Variants in PPM1L observed in about 807,000 individuals in gnomAD.
The protein encoded by PPM1L is protein phosphatase 1L.
A neutral mutation model predicts 31.4 loss-of-function variants in PPM1L; 13 were observed. The observed-to-expected ratio is 0.41, with a 90% CI of 0.27 to 0.66. The LOEUF (loss-of-function observed/expected upper bound fraction) is 0.66. Ranked by LOEUF, PPM1L falls within the 30% of genes least tolerant of loss-of-function variation. The pLI is 0.29. For missense variants in PPM1L, 326 were observed against 453.7 expected, an observed-to-expected ratio of 0.72 and a Z score of 2.56; for synonymous variants, 184 against 175.4, an observed-to-expected ratio of 1.05 and a Z score of -0.39.
chr3:160,951,276 T>C (rs144314846), intron 1 of PPM1L, among the ~76,000 whole-genome samples: 4 of 152,332 alleles, frequency 2.6e-5, no homozygotes, highest in African/African-American at 9.6e-5. Flanking sequence ...GTACAAACTA[T>C]TCCCCCTGAA....
At chr3:160,804,220 C>T (rs573173429) in intron 1 of PPM1L, among the ~76,000 whole-genome samples, 1 of 152,240 alleles carries the variant, frequency 6.6e-6, no homozygotes, top group East Asian at 1.9e-4. Context: ...GCGTGAGCCA[C>T]CATGCCCGGC....
At chr3:160,771,943 G>A (rs1321390959) in intron 1 of PPM1L, among the ~76,000 whole-genome samples, 1 of 151,900 alleles carries the variant, frequency 6.6e-6, no homozygotes, top group African/African-American at 2.4e-5. Flanking sequence ...GAGACCAACT[G>A]GGGATTCTGA....
chr3:160,786,183 G>GTA (rs1576636907), intron 1 of PPM1L, among the ~76,000 whole-genome samples: 10 of 67,940 alleles, frequency 1.5e-4, no homozygotes, highest in Non-Finnish European at 1.6e-4. Context: ...GTGTGTGTGT[G>GTA]TGTGTATATA....
chr3:160,781,994 A>G (rs1560105627), intron 1 of PPM1L, among the ~76,000 whole-genome samples: 1 of 152,304 alleles, frequency 6.6e-6, no homozygotes, highest in East Asian at 1.9e-4. Context: ...TTTTAAAGAA[A>G]TTGAGATATA....
At position 161,069,429 on chromosome 3, in the gene PPM1L, T is replaced by A. The variant is rs1576628321; in HGVS notation, c.*272T>A. 1 of 454,760 alleles carries A rather than the reference T, an allele frequency of 2.2e-6. No individual in the cohort carries two copies. The highest frequency in any genetic ancestry group is 3.9e-6 in the Non-Finnish European group (1 of 253,430). The allele number at this position is 454,760 out of a possible 1,614,324, so 28.2% of individuals were successfully genotyped here. ...AAGTAAATAGCTGTAGAGTCACATA[T>A]ATGAAGTGAATAGCATATGTGTCAT... On this transcript the variant is annotated 3_prime_UTR_variant, in exon 4 of 4. Coordinates refer to ENST00000498165, the MANE Select transcript of PPM1L (RefSeq NM_139245.4).
intron 2 of PPM1L, among the ~76,000 whole-genome samples, chr3:161,033,017 G>T (rs528636285): frequency 4.9e-4 from 75 of 151,702 alleles, no homozygotes; most frequent in Middle Eastern, 3.4e-3. Flanking sequence ...GTAAAGTATT[G>T]GGTGTTAAGG....
At chr3:161,041,293 A>T (rs775476121) in intron 2 of PPM1L, among the ~76,000 whole-genome samples, 14 of 152,154 alleles carry the variant, frequency 9.2e-5, no homozygotes, top group Non-Finnish European at 1.0e-4. Flanking sequence ...GGACCAAACC[A>T]ATGTATTTCT....
At chr3:160,838,224 A>G (rs1454984750) in intron 1 of PPM1L, among the ~76,000 whole-genome samples, 1 of 152,206 alleles carries the variant, frequency 6.6e-6, no homozygotes, top group African/African-American at 2.4e-5. Context: ...GGCAAATTAT[A>G]TCTGGAGAAC....
At chr3:160,891,985 G>A (rs997687158) in intron 1 of PPM1L, among the ~76,000 whole-genome samples, 10 of 152,090 alleles carry the variant, frequency 6.6e-5, no homozygotes, top group East Asian at 1.9e-4. Flanking sequence ...ATCACACACC[G>A]GGGCCTGTCA....
At chr3:160,864,186 C>A (rs946829808) in intron 1 of PPM1L, among the ~76,000 whole-genome samples, 1 of 151,922 alleles carries the variant, frequency 6.6e-6, no homozygotes, top group African/African-American at 2.4e-5. Context: ...TTTATTTTTT[C>A]TTTCATTTCT....
intron 2 of PPM1L, among the ~76,000 whole-genome samples, chr3:160,983,438 T>G: frequency 6.8e-6 from 1 of 146,486 alleles, no homozygotes; most frequent in African/African-American, 2.5e-5. Flanking sequence ...TTTTGGGGGG[T>G]GGTGGGATAG....
At chr3:160,893,661 C>T (rs372632911) in intron 1 of PPM1L, among the ~76,000 whole-genome samples, 64 of 152,244 alleles carry the variant, frequency 4.2e-4, no homozygotes, top group Non-Finnish European at 8.1e-4. Flanking sequence ...TCATTTCCAA[C>T]GTGTATTGTA....
intron 1 of PPM1L, among the ~76,000 whole-genome samples, chr3:160,843,424 TTTTATATATATATA>T (rs1307495934): frequency 0.01 from 502 of 50,090 alleles, 12 homozygotes; most frequent in African/African-American, 0.029. Context: ...ATGGCAATTC[TTTTATATATATATA>T]TATATATATA....
intron 1 of PPM1L, among the ~76,000 whole-genome samples, chr3:160,898,866 G>A (rs1260390781): frequency 6.6e-6 from 1 of 152,156 alleles, no homozygotes; most frequent in African/African-American, 2.4e-5. Context: ...TGTGGAGAAG[G>A]AGACTCAGAG....
At chr3:160,957,661 T>A (rs1715819833) in intron 1 of PPM1L, among the ~76,000 whole-genome samples, 1 of 148,854 alleles carries the variant, frequency 6.7e-6, no homozygotes, top group Non-Finnish European at 1.5e-5. Flanking sequence ...CACTGCAAGC[T>A]CCGCCTCCCA....
chr3:160,940,785 C>T (rs555499249), intron 1 of PPM1L, among the ~76,000 whole-genome samples: 1 of 152,286 alleles, frequency 6.6e-6, no homozygotes, highest in South Asian at 2.1e-4. Context: ...CATTAGAGCT[C>T]CCACACAGAG....
intron 1 of PPM1L, among the ~76,000 whole-genome samples, chr3:160,901,946 T>G (rs1405151573): frequency 6.6e-6 from 1 of 152,154 alleles, no homozygotes; most frequent in African/African-American, 2.4e-5. Flanking sequence ...AAAAAATCCT[T>G]TTAAATTTCT....
At chr3:160,777,981 C>G (rs936025615) in intron 1 of PPM1L, among the ~76,000 whole-genome samples, 2 of 152,132 alleles carry the variant, frequency 1.3e-5, no homozygotes, top group African/African-American at 2.4e-5. Context: ...TACACTCCTG[C>G]CAACAGTGCA....
intron 1 of PPM1L, among the ~76,000 whole-genome samples, chr3:160,821,249 T>C (rs545716331): frequency 8.6e-4 from 127 of 148,054 alleles, no homozygotes; most frequent in African/African-American, 3.1e-3. Flanking sequence ...TATAATTATA[T>C]GTTTATATGT....
Sources: allele counts gnomAD v4.1 joint callset (sites outside exome capture counted in the v4.1 genomes callset), GRCh38; gene constraint gnomAD v4.1.1; transcripts MANE v1.5; gene names NCBI Gene and HGNC (gene_info 2026-07-23, HGNC 2026-07-21).